The following GALNTL6 variants were observed in gnomAD, a reference collection of about 807,000 sequenced individuals.
GALNTL6 encodes the protein polypeptide N-acetylgalactosaminyltransferase-like 6.
A neutral mutation model predicts 73.7 loss-of-function variants in GALNTL6; 46 were observed. That is an observed-to-expected ratio of 0.62 (90% CI 0.49 to 0.80). The LOEUF (loss-of-function observed/expected upper bound fraction) is 0.80, where lower values mean the gene tolerates loss of function less well. Among genes scored for constraint, GALNTL6 ranks in the 30% least tolerant of loss-of-function variants. The pLI is 0.00. For missense variants in GALNTL6, 604 were observed against 755.0 expected, an observed-to-expected ratio of 0.80 and a Z score of 2.34; for synonymous variants, 259 against 263.7, an observed-to-expected ratio of 0.98 and a Z score of 0.17.
chr4:172,450,215 T>TTA lies in GALNTL6; in HGVS notation c.553+101526_553+101527insTA, dbSNP rs542333845. On this transcript the variant is annotated intron_variant, in intron 5 of 12. Transcript: ENST00000506823. ...CTGGGCAACAAGAGCGAAACTCCAT[T>TTA]AAAAAAAAAAAAAAACAAACAAACT... Among the ~76,000 whole-genome samples, 11 of 142,952 alleles carry TTA rather than the reference T, an allele frequency of 7.7e-5. No individual in the cohort carries two copies. The East Asian group carries it at 1.0e-3, about 14-fold the overall frequency. 93.8% of individuals were successfully genotyped at this position (142,952 alleles called of 152,430 possible). A position where few individuals can be genotyped will look rare whatever the true frequency, so the allele number is the denominator to read the frequency against.
chr4:172,764,951 C>T (rs1347716500), intron 5 of GALNTL6, among the ~76,000 whole-genome samples: 3 of 152,172 alleles, frequency 2.0e-5, no homozygotes, highest in Non-Finnish European at 4.4e-5. Flanking sequence ...AGAGAGTGTT[C>T]AGTTTTCTTT....
intron 5 of GALNTL6, among the ~76,000 whole-genome samples, chr4:172,665,691 G>C (rs1731621262): frequency 6.6e-6 from 1 of 152,184 alleles, no homozygotes; most frequent in African/African-American, 2.4e-5. Flanking sequence ...CAGGGACTAT[G>C]ACTATTTTGC....
intron 2 of GALNTL6, among the ~76,000 whole-genome samples, chr4:172,030,678 C>T (rs1741738419): frequency 6.6e-6 from 1 of 151,960 alleles, no homozygotes; most frequent in Non-Finnish European, 1.5e-5. Flanking sequence ...CCACTGTACT[C>T]TAGCCTGGGC....
intron 4 of GALNTL6, among the ~76,000 whole-genome samples, chr4:172,329,225 G>A (rs1741043398): frequency 6.6e-6 from 1 of 152,214 alleles, no homozygotes; most frequent in Non-Finnish European, 1.5e-5. Context: ...AGCAAAGATG[G>A]CAACCTGTTC....
intron 2 of GALNTL6, among the ~76,000 whole-genome samples, chr4:172,225,010 C>A (rs1342013167): frequency 1.3e-5 from 2 of 151,974 alleles, no homozygotes; most frequent in Non-Finnish European, 2.9e-5. Context: ...AATAAAAAGT[C>A]CTCAAGGTGA....
At chr4:172,240,557 T>C (rs551341392) in intron 3 of GALNTL6, among the ~76,000 whole-genome samples, 1 of 152,290 alleles carries the variant, frequency 6.6e-6, no homozygotes, top group South Asian at 2.1e-4. Context: ...TATTCATTTT[T>C]TAATTTACTT....
chr4:171,820,451 A>C (rs1213181841), intron 2 of GALNTL6, among the ~76,000 whole-genome samples: 1 of 152,250 alleles, frequency 6.6e-6, no homozygotes, highest in African/African-American at 2.4e-5. Flanking sequence ...ACAGACATAC[A>C]CAGGTACATA....
At chr4:172,285,078 G>A (rs1739199278) in intron 3 of GALNTL6, among the ~76,000 whole-genome samples, 1 of 152,186 alleles carries the variant, frequency 6.6e-6, no homozygotes, top group African/African-American at 2.4e-5. Flanking sequence ...CTATGAGCAT[G>A]TGATATTTTT....
intron 5 of GALNTL6, among the ~76,000 whole-genome samples, chr4:172,723,240 A>G (rs1228248126): frequency 5.3e-5 from 8 of 152,188 alleles, no homozygotes; most frequent in Non-Finnish European, 1.2e-4. Flanking sequence ...AAAGTAACAT[A>G]TTCACTGGTG....
chr4:172,370,106 G>GTC (rs1347418530), intron 5 of GALNTL6, among the ~76,000 whole-genome samples: 1 of 152,174 alleles, frequency 6.6e-6, no homozygotes, highest in African/African-American at 2.4e-5. Flanking sequence ...TCTGGATAGG[G>GTC]GTGAAGAAGG....
chr4:172,103,952 T>TC (rs1223981441), intron 2 of GALNTL6, among the ~76,000 whole-genome samples: 2 of 150,918 alleles, frequency 1.3e-5, no homozygotes, highest in Non-Finnish European at 3.0e-5. Context: ...TTTTTCTCTT[T>TC]TTTTTTTTTT....
intron 5 of GALNTL6, among the ~76,000 whole-genome samples, chr4:172,382,909 C>T (rs1561057555): frequency 6.6e-6 from 1 of 151,666 alleles, no homozygotes; most frequent in Non-Finnish European, 1.5e-5. Flanking sequence ...CTGTTTTTTC[C>T]CCATTAAATA....
intron 2 of GALNTL6, among the ~76,000 whole-genome samples, chr4:171,955,771 G>GTA (rs3080343): frequency 0.41 from 61,792 of 150,258 alleles, 15,419 homozygotes; most frequent in Admixed American, 0.56. Flanking sequence ...ATACGTGTGT[G>GTA]TATATATATA....
chr4:172,279,874 C>T (rs1274485269), intron 3 of GALNTL6, among the ~76,000 whole-genome samples: 1 of 152,118 alleles, frequency 6.6e-6, no homozygotes, highest in Non-Finnish European at 1.5e-5. Flanking sequence ...AGACTATCCA[C>T]ACAATAGAAT....
intron 2 of GALNTL6, among the ~76,000 whole-genome samples, chr4:171,928,917 A>C (rs114920405): frequency 0.026 from 3,973 of 152,336 alleles, 80 homozygotes; most frequent in Non-Finnish European, 0.044. Context: ...CACATTTCCC[A>C]GAATGTATTC....
chr4:173,032,405 C>T lies in GALNTL6; in HGVS notation c.1639-7528C>T, dbSNP rs368637569. On this transcript the variant is annotated intron_variant, in intron 12 of 12. Transcript: ENST00000506823. ...GGCGGAGCTTGCAGTGAGCCGAGAT[C>T]GTGCCACTGCACTCCAGCCTCGGCG... Among the ~76,000 whole-genome samples, 16 of 150,628 alleles carry T rather than the reference C, an allele frequency of 1.1e-4. No homozygotes were observed. In the East Asian group the frequency reaches 2.7e-3, roughly 26 times the overall value.
At chr4:172,913,050 G>A (rs184689992) in intron 8 of GALNTL6, among the ~76,000 whole-genome samples, 24 of 152,272 alleles carry the variant, frequency 1.6e-4, no homozygotes, top group African/African-American at 4.3e-4. Context: ...AACATTTGCC[G>A]TTCTGCAATA....
intron 5 of GALNTL6, among the ~76,000 whole-genome samples, chr4:172,793,550 GC>G (rs1740109638): frequency 6.6e-6 from 1 of 152,174 alleles, no homozygotes; most frequent in Non-Finnish European, 1.5e-5. Context: ...CACATCAGTA[GC>G]AGGGAAAATA....
chr4:171,898,398 G>A (rs1023496328), intron 2 of GALNTL6, among the ~76,000 whole-genome samples: 1 of 152,098 alleles, frequency 6.6e-6, no homozygotes, highest in Non-Finnish European at 1.5e-5. Flanking sequence ...ATAAAAAGAT[G>A]TATGTGAATA....
Sources: allele counts gnomAD v4.1 joint callset (sites outside exome capture counted in the v4.1 genomes callset), GRCh38; gene constraint gnomAD v4.1.1; transcripts MANE v1.5; gene names NCBI Gene and HGNC (gene_info 2026-07-23, HGNC 2026-07-21).